The following WDR93 variants were observed in gnomAD, a reference collection of about 807,000 sequenced individuals.
WDR93 encodes the protein WD repeat-containing protein 93.
WDR93 carries 73 observed loss-of-function variants against 82.9 expected under a neutral mutation model. That is an observed-to-expected ratio of 0.88 (90% CI 0.73 to 1.07). WDR93 has a LOEUF of 1.07. Among genes scored for constraint, WDR93 ranks in the 50% least tolerant of loss-of-function variants. The pLI, the probability that WDR93 is intolerant of heterozygous loss-of-function variation, is 0.00. For synonymous variants in WDR93, 283 were observed against 300.1 expected, an observed-to-expected ratio of 0.94 and a Z score of 0.59; for missense variants, 738 against 826.0, an observed-to-expected ratio of 0.89 and a Z score of 1.31.
At chr15:89,728,280 C>T (rs1254717570) in intron 9 of WDR93, among the ~76,000 whole-genome samples, 1 of 152,108 alleles carries the variant, frequency 6.6e-6, no homozygotes, top group Non-Finnish European at 1.5e-5. Flanking sequence ...TGGAGAGCCC[C>T]AGTCTTTGAA....
intron 7 of WDR93, among the ~76,000 whole-genome samples, chr15:89,718,076 C>T (rs1966340068): frequency 6.6e-6 from 1 of 152,082 alleles, no homozygotes; most frequent in African/African-American, 2.4e-5. Flanking sequence ...TGGGGTGGCT[C>T]ATGTCTGTAA....
chr15:89,696,958 A>AGTTTGTTT (rs34170578), intron 1 of WDR93, among the ~76,000 whole-genome samples: 14,070 of 150,662 alleles, frequency 0.093, 837 homozygotes, highest in African/African-American at 0.17. Context: ...TAGTATTGTC[A>AGTTTGTTT]GTTTGTTTGT....
intron 5 of WDR93, among the ~76,000 whole-genome samples, chr15:89,714,501 T>G (rs1966152671): frequency 2.0e-5 from 3 of 152,140 alleles, no homozygotes; most frequent in Admixed American, 2.0e-4. Context: ...AATTTTTGTA[T>G]TTTTAGTAGA....
chr15:89,701,918 C>T lies in WDR93; in HGVS notation c.172C>T (p.Arg58Ter), dbSNP rs767085672. The change falls in exon 2 of 17, where the codon CGA (arginine) becomes TGA (stop). Residue 58 changes from arginine (R) to a stop codon, truncating the protein, a stop_gained. Coordinates refer to ENST00000268130, the MANE Select transcript of WDR93 (RefSeq NM_020212.2). LOFTEE classifies it high-confidence loss of function. ...EELDSLPQPY[R>*]MINKLVNLLF... Reference sequence around the variant, plus strand: ...GCTGGATTCCTTGCCTCAGCCTTATCGAATGATCAACAAGCTGGTGAACCT... The same window carrying T: ...GCTGGATTCCTTGCCTCAGCCTTATTGAATGATCAACAAGCTGGTGAACCT... The T allele has an allele frequency of 2.5e-6, 4 of 1,614,150 alleles. No homozygotes were observed. The South Asian group carries it at 3.3e-5, about 13-fold the overall frequency.
In WDR93 at chr15:89,738,158, C is replaced by G; in HGVS notation, c.1883C>G (p.Pro628Arg). The change falls in exon 16 of 17, where the codon CCT becomes CGT. Residue 628 changes from proline to arginine, a missense_variant. Transcript: ENST00000268130. ...AATATCTCAAAAAATTGTACCATTC[C>G]TCAAAGGGACTTGGATAACATGGCC... is the stretch of plus-strand genomic sequence containing the variant. Reference protein sequence around the residue: ...LENISKNCTIPQRDLDNMAFP... With the variant: ...LENISKNCTIRQRDLDNMAFP... 3.1e-6 allele frequency: 5 copies of G among 1,614,188 alleles called. No individual in the cohort carries two copies. Among genetic ancestry groups the G allele is most frequent in the Non-Finnish European group, 4.2e-6 (5 of 1,180,034 alleles).
At chr15:89,730,786 T>G (rs1966852677) in intron 11 of WDR93, among the ~76,000 whole-genome samples, 1 of 151,438 alleles carries the variant, frequency 6.6e-6, no homozygotes, top group Non-Finnish European at 1.5e-5. Context: ...CTCAGGAGGC[T>G]GGGCCAGGAG....
intron 1 of WDR93, among the ~76,000 whole-genome samples, chr15:89,699,981 T>C (rs1424721407): frequency 6.6e-6 from 1 of 152,222 alleles, no homozygotes; most frequent in Non-Finnish European, 1.5e-5. Flanking sequence ...AGTAATTTCT[T>C]TATTGGATCC....
upstream of WDR93, chr15:89,690,552 C>T: frequency 6.5e-7 from 1 of 1,542,840 alleles, no homozygotes; most frequent in Non-Finnish European, 8.8e-7. Flanking sequence ...GAGAAAGGGG[C>T]GGAGGCCGCT....
At chr15:89,711,204 A>G (rs988070921) in intron 4 of WDR93, among the ~76,000 whole-genome samples, 3 of 152,224 alleles carry the variant, frequency 2.0e-5, no homozygotes, top group Admixed American at 2.0e-4. Context: ...TCAAAGCTGT[A>G]GATCTGATTA....
chr15:89,727,912 C>T (rs1307351891), intron 9 of WDR93, among the ~76,000 whole-genome samples: 1 of 151,982 alleles, frequency 6.6e-6, no homozygotes. Context: ...GTGAAACCGA[C>T]TCTACTAAAA....
chr15:89,693,216 C>T lies in WDR93; in HGVS notation c.-41+2359C>T, dbSNP rs569365833. ...TGAAACATAAGTTTTAATTTTCCTA[C>T]TGTAATATGCAGGAATGTGATTGCT... On this transcript the variant is annotated intron_variant, in intron 1 of 16. Coordinates refer to ENST00000268130, the MANE Select transcript of WDR93 (RefSeq NM_020212.2). 2.2e-4 allele frequency among the ~76,000 whole-genome samples: 34 copies of T among 152,298 alleles called. No individual in the cohort carries two copies. In the South Asian group the frequency reaches 6.8e-3, roughly 31 times the overall value.
At chr15:89,699,395 C>A (rs535535557) in intron 1 of WDR93, among the ~76,000 whole-genome samples, 2 of 149,662 alleles carry the variant, frequency 1.3e-5, no homozygotes, top group South Asian at 2.1e-4. Context: ...TTATTTTTTA[C>A]TTTGTTCCTC....
At chr15:89,696,679 T>C (rs182968077) in intron 1 of WDR93, among the ~76,000 whole-genome samples, 1 of 152,022 alleles carries the variant, frequency 6.6e-6, no homozygotes, top group African/African-American at 2.4e-5. Flanking sequence ...ATTTTTTGTA[T>C]AGATGAGGTT....
intron 1 of WDR93, among the ~76,000 whole-genome samples, chr15:89,694,041 A>T (rs1020582480): frequency 2.6e-5 from 4 of 152,160 alleles, no homozygotes; most frequent in African/African-American, 9.7e-5. Context: ...CTTATTGTAC[A>T]TCTTCAACAA....
At chr15:89,741,153 A>T (rs71405663) in intron 16 of WDR93, among the ~76,000 whole-genome samples, 2,981 of 152,280 alleles carry the variant, frequency 0.02, 58 homozygotes, top group South Asian at 0.04. Context: ...AAAAATAAAT[A>T]AATAAGTGTT....
At position 89,735,346 on chromosome 15, in the gene WDR93, T is replaced by C. The variant is rs1967078442; in HGVS notation, c.1545-144T>C. The C allele has an allele frequency of 6.6e-5, 45 of 677,512 alleles. 1 individual carries two copies. In the South Asian group the frequency reaches 7.8e-4, roughly 12 times the overall value. The allele number at this position is 677,512 out of a possible 1,614,324, so 42.0% of individuals were successfully genotyped here. On this transcript the variant is annotated intron_variant, in intron 13 of 16. Transcript: ENST00000268130. ...ATCCTCCTAATAGATATTTGGATTG[T>C]TCTTAATTTTTTGCTACTATGAACA...
At chr15:89,735,119 G>T (rs1354210224) in intron 13 of WDR93, among the ~76,000 whole-genome samples, 2 of 151,940 alleles carry the variant, frequency 1.3e-5, no homozygotes, top group Non-Finnish European at 2.9e-5. Flanking sequence ...TGGGCTCAAA[G>T]TGCTGGGCCC....
At chr15:89,730,127 C>T (rs1304580347) in intron 11 of WDR93, among the ~76,000 whole-genome samples, 2 of 152,142 alleles carry the variant, frequency 1.3e-5, no homozygotes, top group Non-Finnish European at 2.9e-5. Flanking sequence ...GAGTTCAAGA[C>T]CAGCCTGGCC....
chr15:89,727,042 C>A, intron 8 of WDR93, 115 bp from the exon 9 acceptor site: 4 of 1,207,666 alleles, frequency 3.3e-6, no homozygotes, highest in Middle Eastern at 3.9e-4. Flanking sequence ...GAGCAAGAAT[C>A]GATTTCTGAG....
Sources: gnomAD v4.1 joint callset for allele counts (sites outside exome capture counted in the v4.1 genomes callset) on GRCh38, gnomAD v4.1.1 for gene constraint, MANE v1.5 for transcripts, NCBI Gene and HGNC (gene_info 2026-07-23, HGNC 2026-07-21) for gene names.